GLG1: variants seen among roughly 807,000 people sequenced by gnomAD.
The protein encoded by GLG1 is Golgi apparatus protein 1.
Under a neutral mutation model 160.5 loss-of-function variants are expected in GLG1, and 38 were observed. The observed-to-expected ratio is 0.24, with a 90% confidence interval of 0.18 to 0.31. The LOEUF (loss-of-function observed/expected upper bound fraction) is 0.31. Among genes scored for constraint, GLG1 ranks in the 10% least tolerant of loss-of-function variants. The pLI, the probability that GLG1 is intolerant of heterozygous loss-of-function variation, is 1.00. For synonymous variants in GLG1, 644 were observed against 543.4 expected, an observed-to-expected ratio of 1.19 and a Z score of -2.57; for missense variants, 1,373 against 1,505.2, an observed-to-expected ratio of 0.91 and a Z score of 1.45.
At chr16:74,455,668 G>A (rs1229479647) in intron 25 of GLG1, among the ~76,000 whole-genome samples, 1 of 152,134 alleles carries the variant, frequency 6.6e-6, no homozygotes, top group African/African-American at 2.4e-5. Flanking sequence ...GATAAAATTG[G>A]CCAGGAAGGA....
At chr16:74,541,901 G>T (rs904720075) in intron 1 of GLG1, among the ~76,000 whole-genome samples, 1 of 151,414 alleles carries the variant, frequency 6.6e-6, no homozygotes, top group Non-Finnish European at 1.5e-5. Context: ...GGTCATTCCA[G>T]TTTAGGATAT....
At chr16:74,558,220 T>C (rs998807038) in intron 1 of GLG1, among the ~76,000 whole-genome samples, 4 of 152,214 alleles carry the variant, frequency 2.6e-5, no homozygotes, top group Non-Finnish European at 4.4e-5. Flanking sequence ...TGGTACTGGC[T>C]CACCAACATT....
intron 1 of GLG1, among the ~76,000 whole-genome samples, chr16:74,548,144 T>G (rs751186705): frequency 1.3e-5 from 2 of 152,210 alleles, no homozygotes; most frequent in African/African-American, 4.8e-5. Context: ...GGGTAAGAAC[T>G]TGACTCACAA....
intron 8 of GLG1, among the ~76,000 whole-genome samples, chr16:74,489,245 A>T (rs1239187018): frequency 2.0e-5 from 3 of 151,890 alleles, no homozygotes; most frequent in Admixed American, 2.0e-4. Context: ...CTGAGGCGGG[A>T]AGATCACCTG....
chr16:74,465,565 C>T (rs1597228156), intron 19 of GLG1, 111 bp downstream of exon 19: 8 of 1,077,188 alleles, frequency 7.4e-6, no homozygotes, highest in Admixed American at 6.2e-5. Flanking sequence ...TGCTGCTGCT[C>T]GTCTAGGGAC....
intron 1 of GLG1, among the ~76,000 whole-genome samples, chr16:74,557,081 A>G (rs1436491994): frequency 6.6e-6 from 1 of 152,188 alleles, no homozygotes; most frequent in African/African-American, 2.4e-5. Flanking sequence ...GCATCTGACC[A>G]GTTTCAACAG....
intron 1 of GLG1, among the ~76,000 whole-genome samples, chr16:74,581,146 T>C (rs1957929280): frequency 6.6e-6 from 1 of 152,078 alleles, no homozygotes; most frequent in Non-Finnish European, 1.5e-5. Flanking sequence ...ACTGGGTATA[T>C]ACCAAAAAAA....
intron 11 of GLG1, 33 bp downstream of exon 11, chr16:74,480,208 G>C (rs1056480298): frequency 2.0e-6 from 3 of 1,532,596 alleles, no homozygotes; most frequent in Admixed American, 3.4e-5. Context: ...CAAATGACAA[G>C]AAGAAGAAAT....
At chr16:74,510,130 C>G (rs1177921103) in intron 2 of GLG1, among the ~76,000 whole-genome samples, 1 of 151,404 alleles carries the variant, frequency 6.6e-6, no homozygotes. Flanking sequence ...CTCCCAGGTT[C>G]AAGCAATTCT....
At chr16:74,575,596 T>G (rs1020185371) in intron 1 of GLG1, among the ~76,000 whole-genome samples, 2 of 152,080 alleles carry the variant, frequency 1.3e-5, no homozygotes, top group African/African-American at 4.8e-5. Flanking sequence ...TCTCGCTCTG[T>G]TTTTGTTTGT....
intron 1 of GLG1, among the ~76,000 whole-genome samples, chr16:74,592,544 C>T (rs186085024): frequency 1.3e-5 from 2 of 151,918 alleles, no homozygotes; most frequent in Admixed American, 1.3e-4. Context: ...CTTAAGGCAG[C>T]GAACAAAAAG....
In GLG1 at chr16:74,455,476, C is replaced by T. The variant is rs551436619; in HGVS notation, c.3372+1173G>A. Among the ~76,000 whole-genome samples the T allele has an allele frequency of 1.3e-4, 20 of 152,344 alleles. No individual in the cohort carries two copies. The South Asian group carries it at 3.7e-3, about 28-fold the overall frequency. ...GAATGAAGTAACGCAGCATCTCCTGCTGCCGCTTCCCTGAGCCACCGGCTT... is the reference window on the plus strand; with the variant it reads ...GAATGAAGTAACGCAGCATCTCCTGTTGCCGCTTCCCTGAGCCACCGGCTT... On this transcript the variant is annotated intron_variant, in intron 25 of 25. Transcript: ENST00000422840.
chr16:74,520,329 T>G (rs1231405405), intron 2 of GLG1, among the ~76,000 whole-genome samples: 1 of 152,156 alleles, frequency 6.6e-6, no homozygotes, highest in African/African-American at 2.4e-5. Context: ...AAGCACATCC[T>G]CCAGGGGCTT....
intron 2 of GLG1, among the ~76,000 whole-genome samples, chr16:74,529,372 A>G (rs535047441): frequency 1.3e-5 from 2 of 152,200 alleles, no homozygotes; most frequent in Admixed American, 1.3e-4. Flanking sequence ...TGATTTTCTT[A>G]ATAAAGACTA....
chr16:74,593,977 G>A (rs1160847429), intron 1 of GLG1, among the ~76,000 whole-genome samples: 7 of 151,802 alleles, frequency 4.6e-5, no homozygotes, highest in Non-Finnish European at 1.0e-4. Flanking sequence ...CACGATCTTG[G>A]CTCACTGCAA....
At chr16:74,606,350 T>C (rs529213715) in intron 1 of GLG1, among the ~76,000 whole-genome samples, 7 of 152,132 alleles carry the variant, frequency 4.6e-5, no homozygotes, top group Non-Finnish European at 1.0e-4. Flanking sequence ...ACACTCTGCA[T>C]AGAGCATCAC....
chr16:74,462,204 G>A lies in GLG1; in HGVS notation c.2935-9C>T. ...CAGTCTGAAGACAGGCGCTGCATGT[G>A]ACAAAGGGAGGATACATGGGCTGAT... On this transcript the variant is annotated splice_polypyrimidine_tract_variant and intron_variant, in intron 21 of 25. Coordinates refer to ENST00000422840, the MANE Select transcript of GLG1 (RefSeq NM_001145667.2). 4 of 1,466,624 alleles carry A rather than the reference G, an allele frequency of 2.7e-6. No individual in the cohort carries two copies. Among genetic ancestry groups the A allele is most frequent in the Non-Finnish European group, 3.8e-6 (4 of 1,046,802 alleles). 90.9% of individuals were successfully genotyped at this position (1,466,624 alleles called of 1,614,324 possible).
At chr16:74,473,654 A>G (rs1273901538) in intron 13 of GLG1, among the ~76,000 whole-genome samples, 2 of 151,726 alleles carry the variant, frequency 1.3e-5, no homozygotes, top group Non-Finnish European at 2.9e-5. Flanking sequence ...GTTAGCCAGG[A>G]TGGTCTCGAT....
intron 1 of GLG1, among the ~76,000 whole-genome samples, chr16:74,562,892 A>G (rs1048672673): frequency 6.6e-6 from 1 of 152,162 alleles, no homozygotes; most frequent in African/African-American, 2.4e-5. Flanking sequence ...GTTACCCACA[A>G]TGAAGCAAAA....
Sources: gnomAD v4.1 joint callset for allele counts (sites outside exome capture counted in the v4.1 genomes callset) on GRCh38, gnomAD v4.1.1 for gene constraint, MANE v1.5 for transcripts, NCBI Gene and HGNC (gene_info 2026-07-23, HGNC 2026-07-21) for gene names.